NCALD: variants seen among roughly 807,000 people sequenced by gnomAD.
The protein encoded by NCALD is neurocalcin-delta.
In NCALD, 10 loss-of-function variants were observed where a neutral mutation model predicts 18.6. The ratio of observed to expected loss-of-function variants is 0.54; its 90% CI spans 0.33 to 0.91. The LOEUF is 0.91. Among genes scored for constraint, NCALD ranks in the 40% least tolerant of loss-of-function variants. The pLI is 0.03. For synonymous variants in NCALD, 88 were observed against 87.4 expected, an observed-to-expected ratio of 1.01 and a Z score of -0.04; for missense variants, 184 against 247.6, an observed-to-expected ratio of 0.74 and a Z score of 1.72.
intron 2 of NCALD, among the ~76,000 whole-genome samples, chr8:101,942,132 A>G (rs538847125): frequency 6.6e-6 from 1 of 152,324 alleles, no homozygotes; most frequent in African/African-American, 2.4e-5. Context: ...CCAACACTGT[A>G]TATAGCTTGT....
chr8:101,747,910 G>T (rs1034744144), intron 1 of NCALD, among the ~76,000 whole-genome samples: 1 of 152,062 alleles, frequency 6.6e-6, no homozygotes, highest in South Asian at 2.1e-4. Context: ...TAGAGACGGG[G>T]TTTCACCATG....
chr8:101,703,106 C>T (rs192340310), intron 2 of NCALD, among the ~76,000 whole-genome samples: 26 of 151,936 alleles, frequency 1.7e-4, no homozygotes, highest in African/African-American at 5.1e-4. Flanking sequence ...CCAGGACTGA[C>T]TCTTATTCTG....
At chr8:101,814,424 C>T (rs1372558194) in intron 4 of NCALD, among the ~76,000 whole-genome samples, 1 of 151,940 alleles carries the variant, frequency 6.6e-6, no homozygotes, top group Non-Finnish European at 1.5e-5. Context: ...AAAGCATTTA[C>T]AAAATTCAAC....
chr8:101,849,070 G>A (rs1814989494), intron 4 of NCALD, among the ~76,000 whole-genome samples: 1 of 152,194 alleles, frequency 6.6e-6, no homozygotes, highest in Non-Finnish European at 1.5e-5. Context: ...CATGCATGGA[G>A]TTGGAAGTCG....
intron 4 of NCALD, among the ~76,000 whole-genome samples, chr8:101,852,405 A>G (rs538521726): frequency 1.6e-4 from 24 of 152,198 alleles, no homozygotes; most frequent in Middle Eastern, 3.4e-3. Flanking sequence ...GCCTTTCACT[A>G]TTAGATGCAG....
chr8:102,010,193 C>T (rs886474958), intron 2 of NCALD, among the ~76,000 whole-genome samples: 11 of 152,242 alleles, frequency 7.2e-5, no homozygotes, highest in Admixed American at 3.9e-4. Context: ...CCCTCCAACC[C>T]TTGCCTCTTT....
chr8:101,980,972 C>A lies in NCALD; in HGVS notation c.-157+39265G>T, dbSNP rs553200905. Among the ~76,000 whole-genome samples, 61 of 152,316 alleles carry A rather than the reference C, an allele frequency of 4.0e-4. No homozygotes were observed. In the South Asian group the frequency reaches 0.012, roughly 30 times the overall value. ...AACTTGCTGCATGCTTTTCCACAAC[C>A]ATCTCTCTCTTTTCCAAATAAAGCA... is the stretch of plus-strand genomic sequence containing the variant. On this transcript the variant is annotated intron_variant, in intron 2 of 6. Transcript: ENST00000311028.
intron 1 of NCALD, among the ~76,000 whole-genome samples, chr8:101,727,325 C>G (rs1429778470): frequency 8.5e-5 from 13 of 152,182 alleles, no homozygotes; most frequent in African/African-American, 2.9e-4. Context: ...CACCTCAATA[C>G]AAACTATTAT....
At chr8:101,718,066 A>C (rs1165453639) in intron 2 of NCALD, among the ~76,000 whole-genome samples, 3 of 152,206 alleles carry the variant, frequency 2.0e-5, no homozygotes, top group Non-Finnish European at 4.4e-5. Flanking sequence ...AAACAGTTTA[A>C]GAAATTCAAG....
intron 1 of NCALD, among the ~76,000 whole-genome samples, chr8:102,082,059 G>A (rs1217095757): frequency 6.6e-6 from 1 of 151,830 alleles, no homozygotes; most frequent in Non-Finnish European, 1.5e-5. Context: ...CCTTCCACAA[G>A]GATACTCATT....
At chr8:101,926,260 C>T (rs1369548555) in intron 2 of NCALD, among the ~76,000 whole-genome samples, 1 of 152,234 alleles carries the variant, frequency 6.6e-6, no homozygotes, top group East Asian at 1.9e-4. Flanking sequence ...TGGTTCTCAA[C>T]TTTCCCGAGG....
intron 2 of NCALD, among the ~76,000 whole-genome samples, chr8:101,934,508 T>C (rs1278019282): frequency 6.6e-6 from 1 of 151,798 alleles, no homozygotes; most frequent in Non-Finnish European, 1.5e-5. Flanking sequence ...AAGAGACCCA[T>C]AAATTAGTCC....
At chr8:101,742,664 A>AT (rs60495170) in intron 1 of NCALD, among the ~76,000 whole-genome samples, 4,371 of 151,880 alleles carry the variant, frequency 0.029, 205 homozygotes, top group African/African-American at 0.098. Flanking sequence ...GATTACAAGG[A>AT]TTTTTTTTTA....
intron 4 of NCALD, among the ~76,000 whole-genome samples, chr8:101,874,976 G>A (rs559237401): frequency 6.6e-6 from 1 of 152,318 alleles, no homozygotes; most frequent in South Asian, 2.1e-4. Context: ...CCTGAGCTAT[G>A]CAAGACTAAG....
At chr8:101,904,250 C>A (rs1404890611) in intron 3 of NCALD, among the ~76,000 whole-genome samples, 2 of 152,254 alleles carry the variant, frequency 1.3e-5, no homozygotes, top group Middle Eastern at 3.4e-3. Flanking sequence ...TCAAATCTGT[C>A]CTGTGCAATC....
chr8:101,753,649 A>AG (rs1810751929), intron 1 of NCALD, among the ~76,000 whole-genome samples: 1 of 152,152 alleles, frequency 6.6e-6, no homozygotes, highest in Non-Finnish European at 1.5e-5. Flanking sequence ...CTGCAAGGGT[A>AG]GGGGTGGGGT....
rs1738024536 is a variant in NCALD, at chr8:102,053,601, C to T, written c.-209-33312G>A. ...GCTAATACACAGTGGAGCCAGGATCCCAGACAATTCAGCTCCAAAGCTGGC... is the reference window on the plus strand; with the variant it reads ...GCTAATACACAGTGGAGCCAGGATCTCAGACAATTCAGCTCCAAAGCTGGC... On this transcript the variant is annotated intron_variant, in intron 1 of 6. Transcript: ENST00000311028. 2.0e-5 allele frequency among the ~76,000 whole-genome samples: 3 copies of T among 151,990 alleles called. No individual in the cohort carries two copies. The South Asian group carries it at 6.3e-4, about 32-fold the overall frequency.
intron 4 of NCALD, among the ~76,000 whole-genome samples, chr8:101,842,675 C>A (rs557423863): frequency 6.6e-6 from 1 of 152,202 alleles, no homozygotes; most frequent in African/African-American, 2.4e-5. Flanking sequence ...TGTATAGAAG[C>A]AAAATCTTTC....
intron 2 of NCALD, among the ~76,000 whole-genome samples, chr8:101,943,725 G>A (rs1016268136): frequency 1.3e-5 from 2 of 152,066 alleles, no homozygotes; most frequent in Non-Finnish European, 2.9e-5. Flanking sequence ...CGGATCGCAA[G>A]GTCAGGAGAT....
Sources: gnomAD v4.1 joint callset for allele counts (sites outside exome capture counted in the v4.1 genomes callset) on GRCh38, gnomAD v4.1.1 for gene constraint, MANE v1.5 for transcripts, NCBI Gene and HGNC (gene_info 2026-07-23, HGNC 2026-07-21) for gene names.